The following RAB28 variants were observed in gnomAD, a reference collection of about 807,000 sequenced individuals.
RAB28 encodes RAB28, member RAS oncogene family.
RAB28 carries 24 observed loss-of-function variants against 31.7 expected under a neutral mutation model. That is an observed-to-expected ratio of 0.76 (90% CI 0.55 to 1.06). The LOEUF (loss-of-function observed/expected upper bound fraction) is 1.06, where lower values mean the gene tolerates loss of function less well. Among genes scored for constraint, RAB28 ranks in the 50% least tolerant of loss-of-function variants. The pLI, the probability that RAB28 is intolerant of heterozygous loss-of-function variation, is 0.00. For synonymous variants in RAB28, 100 were observed against 90.4 expected (o/e 1.11, Z -0.60); for missense variants, 254 against 258.5 (o/e 0.98, Z 0.12).
Position 13,420,476 on chromosome 4 carries a change from A to G in RAB28, c.392-38882T>C, listed in dbSNP as rs934788767. Among the ~76,000 whole-genome samples the G allele has an allele frequency of 3.9e-5, 6 of 152,322 alleles. No individual in the cohort carries two copies. The East Asian group carries it at 9.6e-4, about 24-fold the overall frequency. On this transcript the variant is annotated intron_variant, in intron 4 of 6. Coordinates refer to ENST00000330852, the MANE Select transcript of RAB28 (RefSeq NM_001017979.3). ...ACAAAAAAGACAATTTTAGACCAAT[A>G]TCCCTGATGAACATCCACGTGAAAA...
At chr4:13,471,275 T>C (rs1228971216) in intron 3 of RAB28, among the ~76,000 whole-genome samples, 9 of 152,070 alleles carry the variant, frequency 5.9e-5, no homozygotes, top group East Asian at 5.8e-4. Context: ...TATAAAGATA[T>C]TGAGCTTATT....
chr4:13,393,702 A>C (rs1243166396), intron 4 of RAB28, among the ~76,000 whole-genome samples: 1 of 151,938 alleles, frequency 6.6e-6, no homozygotes, highest in Non-Finnish European at 1.5e-5. Context: ...ATGCATAATT[A>C]ACTATATCAT....
At position 13,445,133 on chromosome 4, in the gene RAB28, C is replaced by CA. The variant is rs1280317393; in HGVS notation, c.391+15565dup. 2.0e-5 allele frequency among the ~76,000 whole-genome samples: 3 copies of CA among 151,878 alleles called. No homozygotes were observed. In the East Asian group the frequency reaches 5.9e-4, roughly 30 times the overall value. On this transcript the variant is annotated intron_variant, in intron 4 of 6. Coordinates refer to ENST00000330852, the MANE Select transcript of RAB28 (RefSeq NM_001017979.3). ...TGCCTTATTTCCACAAGATGGTCTT[C>CA]AAACTCTGAAATCCTTTCTTCTGCT...
rs554832938 is a variant in RAB28, at chr4:13,463,376, T to C, written c.262-2548A>G. On this transcript the variant is annotated intron_variant, in intron 3 of 6. Coordinates refer to ENST00000330852, the MANE Select transcript of RAB28 (RefSeq NM_001017979.3). ...AAAAACTGTTGTTCTAGACCACAAATTGGTAAACTATGGCCCATGGGTCAA... is the reference window on the plus strand; with the variant it reads ...AAAAACTGTTGTTCTAGACCACAAACTGGTAAACTATGGCCCATGGGTCAA... 2.0e-5 allele frequency among the ~76,000 whole-genome samples: 3 copies of C among 152,274 alleles called. No homozygotes were observed. The East Asian group carries it at 5.8e-4, about 29-fold the overall frequency.
intron 4 of RAB28, among the ~76,000 whole-genome samples, chr4:13,415,062 G>A (rs1057322227): frequency 3.9e-5 from 6 of 152,158 alleles, no homozygotes; most frequent in African/African-American, 1.4e-4. Flanking sequence ...AGACAATTCA[G>A]TAAGATAAAA....
At chr4:13,458,951 G>A (rs1715449807) in intron 4 of RAB28, among the ~76,000 whole-genome samples, 2 of 152,300 alleles carry the variant, frequency 1.3e-5, no homozygotes, top group South Asian at 2.1e-4. Flanking sequence ...GTCAGTGAGG[G>A]TGTTGCCAAA....
intron 3 of RAB28, among the ~76,000 whole-genome samples, chr4:13,468,512 A>G (rs1715974222): frequency 6.6e-6 from 1 of 151,540 alleles, no homozygotes; most frequent in South Asian, 2.1e-4. Context: ...TAATTTTAAA[A>G]TAGTTTGAAC....
chr4:13,387,627 T>C (rs193265945), intron 4 of RAB28, among the ~76,000 whole-genome samples: 15 of 152,152 alleles, frequency 9.9e-5, no homozygotes, highest in Admixed American at 5.9e-4. Context: ...TACAGATGGC[T>C]TGAACATGAC....
At chr4:13,376,266 C>T (rs546885766) in intron 6 of RAB28, among the ~76,000 whole-genome samples, 1 of 152,210 alleles carries the variant, frequency 6.6e-6, no homozygotes, top group Non-Finnish European at 1.5e-5. Flanking sequence ...ATGTGGTCAG[C>T]ACCTTAACTC....
At chr4:13,438,162 AT>A (rs1375826369) in intron 4 of RAB28, among the ~76,000 whole-genome samples, 3 of 152,238 alleles carry the variant, frequency 2.0e-5, no homozygotes, top group Non-Finnish European at 4.4e-5. Context: ...TTGTCCATGT[AT>A]TAATCCAGAT....
intron 4 of RAB28, among the ~76,000 whole-genome samples, chr4:13,426,401 G>A (rs928461420): frequency 2.6e-5 from 4 of 151,476 alleles, no homozygotes; most frequent in Non-Finnish European, 4.4e-5. Flanking sequence ...TGAGAATTAC[G>A]AAGAAAAAAA....
At chr4:13,391,777 C>T (rs1729641151) in intron 4 of RAB28, among the ~76,000 whole-genome samples, 1 of 151,998 alleles carries the variant, frequency 6.6e-6, no homozygotes. Flanking sequence ...AAGCTGGAAA[C>T]CATCATTTTC....
rs1386576655 is a variant in RAB28, at chr4:13,367,970, C to T, written c.*588G>A. On this transcript the variant is annotated 3_prime_UTR_variant, in exon 7 of 7. Transcript: ENST00000330852. ...ATATTACTTTGTGAGTTACAAACTA[C>T]AATATAAACAATTTAGGCCCTTTTT... 1.0e-6 allele frequency: 1 copy of T among 970,212 alleles called. No homozygotes were observed. Among genetic ancestry groups the T allele is most frequent in the Non-Finnish European group, 1.2e-6 (1 of 816,350 alleles). The allele number at this position is 970,212 out of a possible 1,614,324, so 60.1% of individuals were successfully genotyped here.
chr4:13,417,687 A>G (rs2108916761), intron 4 of RAB28, among the ~76,000 whole-genome samples: 1 of 152,328 alleles, frequency 6.6e-6, no homozygotes, highest in South Asian at 2.1e-4. Flanking sequence ...TAACAAACAG[A>G]AAGGAACAGC....
intron 4 of RAB28, among the ~76,000 whole-genome samples, chr4:13,454,234 T>C (rs1412568263): frequency 6.6e-6 from 1 of 152,230 alleles, no homozygotes; most frequent in African/African-American, 2.4e-5. Context: ...ATTCATATCA[T>C]GAATTATTTT....
chr4:13,481,224 T>C (rs1159812225), intron 1 of RAB28, among the ~76,000 whole-genome samples: 1 of 151,992 alleles, frequency 6.6e-6, no homozygotes, highest in East Asian at 1.9e-4. Flanking sequence ...GAGGCAAACA[T>C]AAAGCTAGGA....
chr4:13,377,655 G>A (rs1322385186), intron 5 of RAB28, among the ~76,000 whole-genome samples: 1 of 152,222 alleles, frequency 6.6e-6, no homozygotes, highest in Non-Finnish European at 1.5e-5. Context: ...GTGGCCCAAT[G>A]TGACTTTTAT....
At chr4:13,399,992 T>C (rs918981556) in intron 4 of RAB28, among the ~76,000 whole-genome samples, 14 of 152,236 alleles carry the variant, frequency 9.2e-5, no homozygotes, top group African/African-American at 3.4e-4. Flanking sequence ...TTTTATTCTG[T>C]AAAGTTGTGC....
intron 4 of RAB28, among the ~76,000 whole-genome samples, chr4:13,415,732 C>T (rs528936397): frequency 6.6e-6 from 1 of 152,302 alleles, no homozygotes; most frequent in South Asian, 2.1e-4. Context: ...TCTACGGCGC[C>T]CGGTCCCAAT....
Sources: allele counts gnomAD v4.1 joint callset (sites outside exome capture counted in the v4.1 genomes callset), GRCh38; gene constraint gnomAD v4.1.1; transcripts MANE v1.5; gene names NCBI Gene and HGNC (gene_info 2026-07-23, HGNC 2026-07-21).